Variants in LTBP1 observed in about 807,000 individuals in gnomAD.
The protein encoded by LTBP1 is latent transforming growth factor beta binding protein 1, also known as latent-transforming growth factor beta-binding protein 1.
A neutral mutation model predicts 207.6 loss-of-function variants in LTBP1; 129 were observed. The observed-to-expected ratio is 0.62, with a 90% CI of 0.54 to 0.72. The LOEUF (loss-of-function observed/expected upper bound fraction) is 0.72. LTBP1 is among the 30% of genes least tolerant of loss of function. LTBP1 has a pLI of 0.00. For synonymous variants in LTBP1, 963 were observed against 833.7 expected (o/e 1.16, Z -2.67); for missense variants, 2,281 against 2,217.2 (o/e 1.03, Z -0.58).
chr2:32,959,239 G>A (rs555743238), intron 2 of LTBP1, among the ~76,000 whole-genome samples: 1 of 152,058 alleles, frequency 6.6e-6, no homozygotes, highest in African/African-American at 2.4e-5. Flanking sequence ...GTTGCTATCC[G>A]AAGTTGATGT....
rs142508842 is a variant in LTBP1, at chr2:33,128,394, A to C, written c.1034-6399A>C. Among the ~76,000 whole-genome samples, 512 of 152,318 alleles carry C rather than the reference A, an allele frequency of 3.4e-3. 4 individuals are homozygous for C. Among genetic ancestry groups the C allele is most frequent in the African/African-American group, 0.011 (472 of 41,576 alleles). On this transcript the variant is annotated intron_variant, in intron 4 of 33. Transcript: ENST00000404816. Reference sequence around the variant, plus strand: ...TGCGTAGTAGAGATGGAAGACAGGTAAGTGTGTTGATTGCTCTGCTCCTTA... The same window carrying C: ...TGCGTAGTAGAGATGGAAGACAGGTCAGTGTGTTGATTGCTCTGCTCCTTA...
chr2:32,951,236 T>A (rs1209271065), intron 2 of LTBP1, among the ~76,000 whole-genome samples: 1 of 152,240 alleles, frequency 6.6e-6, no homozygotes, highest in Non-Finnish European at 1.5e-5. Context: ...TCTGTGGTTT[T>A]CAGCATTCAG....
At chr2:33,343,645 A>G (rs1458249402) in intron 25 of LTBP1, among the ~76,000 whole-genome samples, 4 of 152,198 alleles carry the variant, frequency 2.6e-5, no homozygotes, top group Non-Finnish European at 4.4e-5. Flanking sequence ...AAGTATTGCC[A>G]GGAGCTTCAG....
At chr2:33,249,162 C>T (rs1272604418) in intron 10 of LTBP1, among the ~76,000 whole-genome samples, 4 of 152,044 alleles carry the variant, frequency 2.6e-5, no homozygotes, top group African/African-American at 9.7e-5. Flanking sequence ...TGAAATCCTC[C>T]CTACTTTTCA....
chr2:33,203,076 T>C (rs868663690), intron 7 of LTBP1, among the ~76,000 whole-genome samples: 1 of 105,734 alleles, frequency 9.5e-6, no homozygotes, highest in South Asian at 2.8e-4. Flanking sequence ...ACTGAGTCTC[T>C]TGTGGCTCTA....
intron 20 of LTBP1, among the ~76,000 whole-genome samples, chr2:33,297,069 A>G (rs1278211859): frequency 6.6e-6 from 1 of 152,220 alleles, no homozygotes; most frequent in East Asian, 1.9e-4. Context: ...TCACAAAGGT[A>G]TTGCTATTTG....
intron 5 of LTBP1, among the ~76,000 whole-genome samples, chr2:33,154,163 C>T (rs984624069): frequency 6.6e-6 from 1 of 152,074 alleles, no homozygotes; most frequent in African/African-American, 2.4e-5. Flanking sequence ...TCCTGACTGG[C>T]CCTTGACTCA....
rs1412194013 is a variant in LTBP1, at chr2:33,274,993, C to T, written c.2772C>T (p.His924=). The T allele has an allele frequency of 1.9e-6, 3 of 1,613,934 alleles. No homozygotes were observed. The highest frequency in any genetic ancestry group is 1.3e-5 in the African/African-American group (1 of 74,900). The part of the protein sequence containing the change: ...VDIDECTQVQ[H]LCSQGRCENT... ...TTGATGAGTGTACTCAGGTCCAACACCTCTGCTCCCAGGGCCGCTGTGAAA... is the reference window on the plus strand; with the variant it reads ...TTGATGAGTGTACTCAGGTCCAACATCTCTGCTCCCAGGGCCGCTGTGAAA... The change falls in exon 17 of 34, where the codon CAC becomes CAT. Residue 924 remains histidine, a synonymous_variant. Coordinates refer to ENST00000404816, the MANE Select transcript of LTBP1 (RefSeq NM_206943.4).
chr2:33,220,318 G>T (rs1191743846), intron 8 of LTBP1, among the ~76,000 whole-genome samples: 1 of 140,244 alleles, frequency 7.1e-6, no homozygotes, highest in African/African-American at 2.5e-5. Flanking sequence ...CTACGCTATG[G>T]TTTTGTGTTC....
chr2:32,965,251 A>G (rs148576983), intron 2 of LTBP1, among the ~76,000 whole-genome samples: 17 of 152,260 alleles, frequency 1.1e-4, no homozygotes, highest in Non-Finnish European at 2.4e-4. Context: ...AAATTCCTAT[A>G]TACCTTTGAC....
At chr2:33,204,407 C>T (rs1393505025) in intron 7 of LTBP1, among the ~76,000 whole-genome samples, 1 of 152,200 alleles carries the variant, frequency 6.6e-6, no homozygotes, top group Non-Finnish European at 1.5e-5. Flanking sequence ...CCTTGAAGAA[C>T]ATTCTAAAAT....
At chr2:33,093,572 C>T (rs2079223489) in intron 3 of LTBP1, among the ~76,000 whole-genome samples, 1 of 151,718 alleles carries the variant, frequency 6.6e-6, no homozygotes, top group Non-Finnish European at 1.5e-5. Flanking sequence ...CCAAATTGTT[C>T]TCTTGATTTC....
At chr2:33,317,059 T>C (rs1573801509) in intron 24 of LTBP1, among the ~76,000 whole-genome samples, 1 of 152,380 alleles carries the variant, frequency 6.6e-6, no homozygotes, top group East Asian at 1.9e-4. Context: ...TTCACAATTA[T>C]TTTGTCTTTT....
intron 18 of LTBP1, among the ~76,000 whole-genome samples, chr2:33,278,997 A>G (rs1364788319): frequency 6.6e-6 from 1 of 152,188 alleles, no homozygotes; most frequent in Non-Finnish European, 1.5e-5. Flanking sequence ...ATTTACTAGA[A>G]TGTAGACATC....
At chr2:33,300,372 C>A in intron 20 of LTBP1, 79 bp from the exon 21 acceptor site, 12 of 1,431,470 alleles carry the variant, frequency 8.4e-6, no homozygotes, top group Non-Finnish European at 1.1e-5. Flanking sequence ...TTACACTAAT[C>A]CCAGAATGCA....
intron 24 of LTBP1, among the ~76,000 whole-genome samples, chr2:33,325,409 T>C (rs1034121172): frequency 6.6e-6 from 1 of 152,238 alleles, no homozygotes; most frequent in Non-Finnish European, 1.5e-5. Flanking sequence ...GGGTTTGATA[T>C]GTTTGGCCTG....
chr2:33,044,510 A>G (rs1361112629), intron 3 of LTBP1, among the ~76,000 whole-genome samples: 2 of 152,170 alleles, frequency 1.3e-5, no homozygotes, highest in African/African-American at 2.4e-5. Context: ...TATCCAGTCT[A>G]TCATTGATGA....
In LTBP1 at chr2:32,971,248, T is replaced by G. The variant is rs1406667352; in HGVS notation, c.565+22303T>G. ...TCATATTGTCTGCAAATAGAGAGAG[T>G]TTGACTTCCCCTCTTCCAATGGAAT... On this transcript the variant is annotated intron_variant, in intron 2 of 33. Coordinates refer to ENST00000404816, the MANE Select transcript of LTBP1 (RefSeq NM_206943.4). Among the ~76,000 whole-genome samples the G allele has an allele frequency of 3.3e-5, 5 of 152,236 alleles. No homozygotes were observed. The South Asian group carries it at 1.0e-3, about 32-fold the overall frequency.
At chr2:33,356,301 C>T (rs1445695828) in intron 26 of LTBP1, among the ~76,000 whole-genome samples, 2 of 152,158 alleles carry the variant, frequency 1.3e-5, no homozygotes, top group Non-Finnish European at 2.9e-5. Context: ...AGTTTCAGTT[C>T]TTTGATACTT....
Sources: allele counts gnomAD v4.1 joint callset (sites outside exome capture counted in the v4.1 genomes callset), GRCh38; gene constraint gnomAD v4.1.1; transcripts MANE v1.5; gene names NCBI Gene and HGNC (gene_info 2026-07-23, HGNC 2026-07-21).